The following TRRAP variants were observed in gnomAD, a reference collection of about 807,000 sequenced individuals.
TRRAP encodes transformation/transcription domain associated protein.
TRRAP carries 41 observed loss-of-function variants against 438.8 expected under a neutral mutation model. That is an observed-to-expected ratio of 0.09 (90% confidence interval 0.07 to 0.12). The LOEUF is 0.12. Ranked by LOEUF, TRRAP falls within the 10% of genes least tolerant of loss-of-function variation. The pLI is 1.00. For synonymous variants in TRRAP, 1,994 were observed against 1,962.9 expected, an observed-to-expected ratio of 1.02 and a Z score of -0.42; for missense variants, 3,122 against 5,055.1, an observed-to-expected ratio of 0.62 and a Z score of 11.60.
Position 98,911,133 on chromosome 7 carries a change from G to A in TRRAP, c.1869G>A (p.Val623=), listed in dbSNP as rs782577705. 6.2e-7 allele frequency: 1 copy of A among 1,614,176 alleles called. No individual in the cohort carries two copies. The highest frequency in any genetic ancestry group is 8.5e-7 in the Non-Finnish European group (1 of 1,180,028). Residue 623 remains valine, a synonymous_variant, in exon 17 of 73, where the codon GTG becomes GTA. Coordinates refer to ENST00000456197, the MANE Select transcript of TRRAP (RefSeq NM_001375524.1). ...TCCGTGTGGCCAACTGCCAGACTGT[G>A]AGAATGAAAGAGGAGAAGGAGGTAT... is the stretch of plus-strand genomic sequence containing the variant. ...TYIRVANCQT[V]RMKEEKEVLE...
Position 98,956,864 on chromosome 7 carries a change from A to G in TRRAP, c.6231+331A>G, listed in dbSNP as rs1270476250. On this transcript the variant is annotated intron_variant, in intron 43 of 72. Coordinates refer to ENST00000456197, the MANE Select transcript of TRRAP (RefSeq NM_001375524.1). This position sits in a 1 kb window ranked among gnomAD's most constrained non-coding sequence, Gnocchi z 4.5. ...ATACTGAGATCAGTTTCTGAGAAGGACATGTGTTCTGTTTCACGAGGCAGC... is the reference window on the plus strand; with the variant it reads ...ATACTGAGATCAGTTTCTGAGAAGGGCATGTGTTCTGTTTCACGAGGCAGC... 6.6e-6 allele frequency among the ~76,000 whole-genome samples: 1 copy of G among 152,128 alleles called. No individual in the cohort carries two copies. The highest frequency in any genetic ancestry group is 2.4e-5 in the African/African-American group (1 of 41,414).
intron 52 of TRRAP, 134 bp downstream of exon 52, chr7:98,970,425 C>T (rs1792361694): frequency 8.8e-7 from 1 of 1,136,942 alleles, no homozygotes; most frequent in Admixed American, 2.7e-5. Flanking sequence ...AGGCCCCGCG[C>T]CCCACGGGCA....
intron 67 of TRRAP, among the ~76,000 whole-genome samples, chr7:99,001,550 A>C (rs1793921058): frequency 6.6e-6 from 1 of 152,186 alleles, no homozygotes; most frequent in African/African-American, 2.4e-5. Context: ...AAAAATAAAA[A>C]ATCACAAAAC....
intron 20 of TRRAP, among the ~76,000 whole-genome samples, chr7:98,919,524 C>T (rs1384585004): frequency 6.6e-6 from 1 of 152,196 alleles, no homozygotes; most frequent in Non-Finnish European, 1.5e-5. Flanking sequence ...ATCCGTTGAA[C>T]TCAAGAGGTT....
chr7:98,949,529 G>A lies in TRRAP; in HGVS notation c.4901G>A (p.Gly1634Asp). The change falls in exon 36 of 73, where the codon GGT becomes GAT. Residue 1634 changes from glycine to aspartate, a missense_variant. Physicochemically the swap from Gly to Asp is moderately conservative, Grantham distance 94. Around this residue, in one of 24 missense-constraint regions of TRRAP, gnomAD observed 272 missense variants for 348.5 expected, o/e 0.78. Transcript: ENST00000456197. Reference sequence around the variant, plus strand: ...GGTGCCCAGACGGCTGTGCGCCCCGGTTCGCCCAGCACCAGCACCATGCGC... The same window carrying A: ...GGTGCCCAGACGGCTGTGCGCCCCGATTCGCCCAGCACCAGCACCATGCGC... ...PGGAQTAVRP[G>D]SPSTSTMRLD... is the part of the protein sequence containing the mutation. 6.2e-7 allele frequency: 1 copy of A among 1,605,152 alleles called. No homozygotes were observed. Among genetic ancestry groups the A allele is most frequent in the East Asian group, 2.2e-5 (1 of 44,772 alleles).
At chr7:98,991,343 G>A (rs1178091719) in intron 64 of TRRAP, among the ~76,000 whole-genome samples, 1 of 152,190 alleles carries the variant, frequency 6.6e-6, no homozygotes, top group African/African-American at 2.4e-5. Flanking sequence ...GGGCCCGCGC[G>A]TTCTGCCCAC....
At chr7:98,880,262 G>GTTGTTTTT (rs1214006753) in intron 1 of TRRAP, among the ~76,000 whole-genome samples, 2 of 132,110 alleles carry the variant, frequency 1.5e-5, no homozygotes, top group South Asian at 2.4e-4. Context: ...TGTTGTTGTT[G>GTTGTTTTT]TTTTTTTTTT....
chr7:98,978,652 T>TA, intron 57 of TRRAP, 117 bp from the exon 58 acceptor site: 6 of 1,405,908 alleles, frequency 4.3e-6, no homozygotes, highest in Non-Finnish European at 5.9e-6. Flanking sequence ...AGTCCACTCT[T>TA]ACTGTGTTGT....
intron 33 of TRRAP, among the ~76,000 whole-genome samples, chr7:98,947,571 T>G (rs553944962): frequency 6.5e-4 from 99 of 152,150 alleles, no homozygotes; most frequent in Non-Finnish European, 1.1e-3. Context: ...TTCTCCTGCC[T>G]CAGCCTCTGG....
intron 70 of TRRAP, among the ~76,000 whole-genome samples, chr7:99,010,588 T>A (rs1004965711): frequency 7.0e-6 from 1 of 143,200 alleles, no homozygotes; most frequent in Non-Finnish European, 1.6e-5. Context: ...TATGAGTCTC[T>A]AGTACAGAGT....
At chr7:98,959,936 T>TAAAAAAAAAAAAAAAAAAA (rs780800568) in intron 45 of TRRAP, among the ~76,000 whole-genome samples, 1 of 112,710 alleles carries the variant, frequency 8.9e-6, no homozygotes, top group African/African-American at 3.8e-5. Context: ...CCTGGTCTCT[T>TAAAAAAAAAAAAAAAAAAA]AAAAAAAAAA....
chr7:98,986,354 T>C (rs1291915568), intron 62 of TRRAP, among the ~76,000 whole-genome samples: 1 of 152,222 alleles, frequency 6.6e-6, no homozygotes, highest in Non-Finnish European at 1.5e-5. Context: ...TTTTGAGACA[T>C]TGTCAATCTT....
intron 52 of TRRAP, 131 bp from the exon 53 acceptor site, chr7:98,971,664 TTAAA>T: frequency 1.6e-5 from 17 of 1,052,002 alleles, no homozygotes; most frequent in Non-Finnish European, 2.3e-5. Flanking sequence ...TGAAGATTAT[TTAAA>T]TACTTACACA....
chr7:98,934,871 G>A (rs1463882476), intron 27 of TRRAP, among the ~76,000 whole-genome samples: 2 of 152,132 alleles, frequency 1.3e-5, no homozygotes, highest in Non-Finnish European at 2.9e-5. Context: ...TGGGGTGGGT[G>A]GCTTGAAGTG....
intron 30 of TRRAP, among the ~76,000 whole-genome samples, chr7:98,942,604 C>T (rs1342795554): frequency 8.5e-5 from 13 of 152,188 alleles, no homozygotes; most frequent in African/African-American, 2.9e-4. Flanking sequence ...TGATGTCGGC[C>T]GTTCATGTCT....
At chr7:98,906,300 G>C in intron 13 of TRRAP, 45 bp downstream of exon 13, 1 of 1,510,466 alleles carries the variant, frequency 6.6e-7, no homozygotes, top group Non-Finnish European at 9.2e-7. Flanking sequence ...AATGCCAGGA[G>C]CATCAGTTAC....
intron 59 of TRRAP, among the ~76,000 whole-genome samples, chr7:98,982,782 G>T (rs1792990584): frequency 6.6e-6 from 1 of 152,150 alleles, no homozygotes; most frequent in Admixed American, 6.5e-5. Flanking sequence ...ACATTTTATG[G>T]GTCCAAAGAG....
chr7:98,890,781 C>CTTT (rs71118642), intron 4 of TRRAP, among the ~76,000 whole-genome samples: 14 of 53,042 alleles, frequency 2.6e-4, no homozygotes, highest in South Asian at 1.5e-3. Flanking sequence ...AATGTCAGTT[C>CTTT]TTTTTTTTTT....
intron 70 of TRRAP, 35 bp downstream of exon 70, chr7:99,008,596 G>T (rs563651869): frequency 6.9e-6 from 11 of 1,605,640 alleles, no homozygotes; most frequent in South Asian, 1.1e-5. Flanking sequence ...CCGAGCTGCC[G>T]CCTGCAGCCC....
Sources: gnomAD v4.1 joint callset for allele counts (sites outside exome capture counted in the v4.1 genomes callset) on GRCh38, gnomAD v4.1.1 for gene constraint, gnomAD v4.1.1 regional missense constraint, Gnocchi (gnomAD v3.1) non-coding constraint, MANE v1.5 for transcripts, NCBI Gene and HGNC (gene_info 2026-07-23, HGNC 2026-07-21) for gene names.